ZEB1: variants seen among roughly 807,000 people sequenced by gnomAD.
ZEB1 encodes the protein zinc finger E-box-binding homeobox 1.
A neutral mutation model predicts 84.9 loss-of-function variants in ZEB1; 21 were observed. The observed-to-expected ratio is 0.25, with a 90% CI of 0.18 to 0.36. The LOEUF is 0.36. Ranked by LOEUF, ZEB1 falls within the 10% of genes least tolerant of loss-of-function variation. The pLI is 1.00. For synonymous variants in ZEB1, 420 were observed against 471.1 expected (o/e 0.89, Z 1.41); for missense variants, 1,104 against 1,330.2 (o/e 0.83, Z 2.65).
intron 1 of ZEB1, among the ~76,000 whole-genome samples, chr10:31,375,561 CTTCT>C (rs552514013): frequency 2.2e-3 from 328 of 151,888 alleles, no homozygotes; most frequent in African/African-American, 7.6e-3. Context: ...TTTGAATTGA[CTTCT>C]TTCTAAAACA....
In ZEB1 at chr10:31,427,695, T is replaced by C. The variant is rs1054872660; in HGVS notation, c.59-33342T>C. Among the ~76,000 whole-genome samples, 11 of 151,832 alleles carry C rather than the reference T, an allele frequency of 7.2e-5. 1 individual carries two copies. The highest frequency in any genetic ancestry group is 2.7e-4 in the African/African-American group (11 of 41,314). On this transcript the variant is annotated intron_variant, in intron 1 of 8. Transcript: ENST00000424869. ...GGTGAAACCCCATCTCTACTAAAAA[T>C]ACAAACAAAAAAAATTAGCCGGGCG...
chr10:31,499,246 T>C (rs1255226736), intron 3 of ZEB1, among the ~76,000 whole-genome samples: 1 of 152,198 alleles, frequency 6.6e-6, no homozygotes, highest in Non-Finnish European at 1.5e-5. Flanking sequence ...ATGATACCTG[T>C]TTTGGGCTTT....
chr10:31,358,353 C>G (rs923866064), intron 1 of ZEB1: 3 of 152,090 alleles, frequency 2.0e-5, no homozygotes, highest in African/African-American at 7.2e-5. Flanking sequence ...AAGTCGAGTC[C>G]CTAGTGAATC....
chr10:31,389,890 T>G (rs1338067321), intron 1 of ZEB1, among the ~76,000 whole-genome samples: 2 of 152,148 alleles, frequency 1.3e-5, no homozygotes, highest in Non-Finnish European at 2.9e-5. Context: ...CATCTTATAT[T>G]GGACTAGCCA....
chr10:31,358,480 A>AGGT (rs1169768169), intron 1 of ZEB1: 1 of 152,140 alleles, frequency 6.6e-6, no homozygotes, highest in Non-Finnish European at 1.5e-5. Flanking sequence ...CTGTCTGTAG[A>AGGT]GTAAACTATG....
In ZEB1 at chr10:31,526,907, C is replaced by T; in HGVS notation, c.3021C>T (p.Leu1007=). 6.2e-7 allele frequency: 1 copy of T among 1,614,108 alleles called. No individual in the cohort carries two copies. ...AGGAAGAGGCAGGGCCTGAAATCCT[C>T]TCGAATGAGCACGTGGGTGCCAGGG... ...TEQEEAGPEI[L]SNEHVGARAS... is the part of the protein sequence containing the mutation. The change falls in exon 9 of 9, where the codon CTC becomes CTT. Residue 1007 remains leucine, a synonymous_variant. Coordinates refer to ENST00000424869, the MANE Select transcript of ZEB1 (RefSeq NM_001174096.2).
intron 2 of ZEB1, among the ~76,000 whole-genome samples, chr10:31,469,623 G>A (rs1334936840): frequency 6.6e-6 from 1 of 152,226 alleles, no homozygotes; most frequent in Non-Finnish European, 1.5e-5. Flanking sequence ...CAAGGCAGCA[G>A]CGAGGCTGGG....
intron 1 of ZEB1, chr10:31,321,228 T>TA: frequency 8.4e-7 from 1 of 1,187,780 alleles, no homozygotes; most frequent in Non-Finnish European, 1.0e-6. Context: ...TAGAAGCAGA[T>TA]ACGAAGATTT....
At chr10:31,518,192 G>A (rs2071536567) in intron 6 of ZEB1, among the ~76,000 whole-genome samples, 1 of 152,124 alleles carries the variant, frequency 6.6e-6, no homozygotes. Context: ...TTTGTCTGTT[G>A]TATTTTGAGA....
intron 2 of ZEB1, among the ~76,000 whole-genome samples, chr10:31,488,225 G>C (rs2065996726): frequency 6.6e-6 from 1 of 151,094 alleles, no homozygotes; most frequent in African/African-American, 2.4e-5. Flanking sequence ...TTAGGAGGAA[G>C]ATTTTCTAAT....
At chr10:31,437,954 G>T (rs547871756) in intron 1 of ZEB1, among the ~76,000 whole-genome samples, 13 of 152,270 alleles carry the variant, frequency 8.5e-5, no homozygotes, top group African/African-American at 3.1e-4. Flanking sequence ...TACCTTCTGG[G>T]ATTAGTAAAT....
At chr10:31,382,006 C>CAAAAAAAAAAAAA (rs535534850) in intron 1 of ZEB1, among the ~76,000 whole-genome samples, 2 of 40,790 alleles carry the variant, frequency 4.9e-5, no homozygotes, top group African/African-American at 9.0e-5. Context: ...GAGACTGTCT[C>CAAAAAAAAAAAAA]AAAAAAAAAA....
intron 1 of ZEB1, among the ~76,000 whole-genome samples, chr10:31,346,134 G>C (rs2040268723): frequency 6.6e-6 from 1 of 152,132 alleles, no homozygotes; most frequent in Non-Finnish European, 1.5e-5. Context: ...TTATAGGGAA[G>C]CTTATGACAA....
intron 2 of ZEB1, among the ~76,000 whole-genome samples, chr10:31,472,965 T>TA (rs1403908062): frequency 7.7e-6 from 1 of 130,514 alleles, no homozygotes; most frequent in Admixed American, 6.9e-5. Context: ...AACCACATGA[T>TA]TATCTCAATA....
chr10:31,511,059 A>T (rs2069896228), intron 5 of ZEB1, among the ~76,000 whole-genome samples, 184 bp downstream of exon 5: 1 of 152,218 alleles, frequency 6.6e-6, no homozygotes, highest in Admixed American at 6.5e-5. Flanking sequence ...GAGATTAAAA[A>T]CCACATATGA....
chr10:31,520,044 C>T lies in ZEB1; in HGVS notation c.794-82C>T, dbSNP rs527985204. The stretch of plus-strand genomic sequence containing the variant: ...GCAGTCTTCTTTTTAAAATTGATAC[C>T]GCTTGTTTTAGGGAAATGAGGATAC... On this transcript the variant is annotated intron_variant, in intron 6 of 8. Coordinates refer to ENST00000424869, the MANE Select transcript of ZEB1 (RefSeq NM_001174096.2). This position sits in a 1 kb window ranked among gnomAD's most constrained non-coding sequence, Gnocchi z 5.1. 1.8e-5 allele frequency: 27 copies of T among 1,529,152 alleles called. No homozygotes were observed. Among genetic ancestry groups the T allele is most frequent in the East Asian group, 1.4e-4 (6 of 41,522 alleles). 94.7% of individuals were successfully genotyped at this position (1,529,152 alleles called of 1,614,324 possible).
At chr10:31,480,029 G>T (rs2064832552) in intron 2 of ZEB1, among the ~76,000 whole-genome samples, 1 of 152,018 alleles carries the variant, frequency 6.6e-6, no homozygotes, top group East Asian at 1.9e-4. Flanking sequence ...TGAAACACCT[G>T]TCTTAAAGGC....
chr10:31,416,795 T>C (rs568316567), intron 1 of ZEB1, among the ~76,000 whole-genome samples: 1 of 152,240 alleles, frequency 6.6e-6, no homozygotes, highest in African/African-American at 2.4e-5. Flanking sequence ...AATTAAACGC[T>C]TTCATCAAAC....
At chr10:31,511,219 A>G (rs2069937708) in intron 5 of ZEB1, among the ~76,000 whole-genome samples, 1 of 152,214 alleles carries the variant, frequency 6.6e-6, no homozygotes, top group Non-Finnish European at 1.5e-5. Context: ...AGGAAAAATA[A>G]GTACTGACTA....
Sources: allele counts gnomAD v4.1 joint callset (sites outside exome capture counted in the v4.1 genomes callset), GRCh38; gene constraint gnomAD v4.1.1; non-coding constraint Gnocchi (gnomAD v3.1); transcripts MANE v1.5; gene names NCBI Gene and HGNC (gene_info 2026-07-23, HGNC 2026-07-21).